The following COG7 variants were observed in gnomAD, a reference collection of about 807,000 sequenced individuals.
COG7 encodes the protein conserved oligomeric Golgi complex subunit 7.
A neutral mutation model predicts 91.5 loss-of-function variants in COG7; 49 were observed. The ratio of observed to expected loss-of-function variants is 0.54; its 90% CI spans 0.43 to 0.68. The LOEUF (loss-of-function observed/expected upper bound fraction) is 0.68. Among genes scored for constraint, COG7 ranks in the 30% least tolerant of loss-of-function variants. The pLI is 0.00. For synonymous variants in COG7, 365 were observed against 388.7 expected, an observed-to-expected ratio of 0.94 and a Z score of 0.72; for missense variants, 895 against 961.3, an observed-to-expected ratio of 0.93 and a Z score of 0.91.
At chr16:23,393,104 C>T (rs1239003046) in intron 15 of COG7, 129 bp downstream of exon 15, 1 of 721,036 alleles carries the variant, frequency 1.4e-6, no homozygotes. Context: ...ACAAAAAGTA[C>T]ATGTTAGAAG....
chr16:23,418,727 G>A lies in COG7; in HGVS notation c.1110C>T (p.Leu370=). 6.2e-7 allele frequency: 1 copy of A among 1,613,620 alleles called. No individual in the cohort carries two copies. Among genetic ancestry groups the A allele is most frequent in the Non-Finnish European group, 8.5e-7 (1 of 1,179,648 alleles). Residue 370 remains leucine (L), a synonymous_variant, in exon 8 of 17, where the codon CTC becomes CTT. Coordinates refer to ENST00000307149, the MANE Select transcript of COG7 (RefSeq NM_153603.4). Reference sequence around the variant, plus strand: ...GAGGCACAGCACTCATCTGGATGAGGAGGTTGCTCTCTTCCATGTCGCCAT... The same window carrying A: ...GAGGCACAGCACTCATCTGGATGAGAAGGTTGCTCTCTTCCATGTCGCCAT... The part of the protein sequence containing the change: ...LKYGDMEESN[L]LIQMSAVPLE...
In COG7 at chr16:23,413,483, G is replaced by C; in HGVS notation, c.1374C>G (p.Phe458Leu). 6.2e-7 allele frequency: 1 copy of C among 1,611,226 alleles called. No homozygotes were observed. Among genetic ancestry groups the C allele is most frequent in the South Asian group, 1.1e-5 (1 of 91,010 alleles). The change falls in exon 10 of 17, where the codon TTC (phenylalanine) becomes TTG (leucine). Residue 458 changes from phenylalanine (F) to leucine (L), a missense_variant. Phe to Leu is a conservative substitution (Grantham distance 22, BLOSUM62 0). Transcript: ENST00000307149. ...KLDHIPPNSLFQEDWTAFQNS... is the reference protein window; with the variant it reads ...KLDHIPPNSLLQEDWTAFQNS... ...TCTGAAAAGCCGTCCAATCTTCCTG[G>C]AAGAGGGAGTTGGGAGGAATGTGGT...
intron 10 of COG7, among the ~76,000 whole-genome samples, chr16:23,411,243 T>C (rs1019902053): frequency 2.0e-5 from 3 of 152,242 alleles, no homozygotes; most frequent in African/African-American, 7.2e-5. Context: ...TCCCAGCTGC[T>C]GGGTCCTTCA....
chr16:23,405,943 A>G (rs1351512599), intron 12 of COG7, 133 bp downstream of exon 12: 1 of 802,334 alleles, frequency 1.2e-6, no homozygotes, highest in Admixed American at 1.8e-5. Context: ...CATAAATGAG[A>G]CAGAGAGGTA....
At chr16:23,389,497 C>G (rs910982906) in intron 16 of COG7, among the ~76,000 whole-genome samples, 2 of 151,934 alleles carry the variant, frequency 1.3e-5, no homozygotes, top group African/African-American at 4.8e-5. Context: ...GCCTTCAGCA[C>G]CAGTCTGAAG....
chr16:23,448,064 T>C (rs1964210214), intron 1 of COG7, among the ~76,000 whole-genome samples: 1 of 152,130 alleles, frequency 6.6e-6, no homozygotes, highest in Non-Finnish European at 1.5e-5. Context: ...AATGGAGAAA[T>C]TGGTCCTCCA....
At chr16:23,396,319 G>T (rs1344598948) in intron 14 of COG7, among the ~76,000 whole-genome samples, 1 of 152,114 alleles carries the variant, frequency 6.6e-6, no homozygotes, top group East Asian at 1.9e-4. Context: ...TAGCCACTCA[G>T]GTCCCTTCCA....
intron 6 of COG7, among the ~76,000 whole-genome samples, chr16:23,426,098 C>G (rs907033993): frequency 6.6e-6 from 1 of 152,112 alleles, no homozygotes; most frequent in African/African-American, 2.4e-5. Context: ...CGACTGTAAT[C>G]CCAGCTACTT....
At chr16:23,448,842 C>T (rs538658767) in intron 1 of COG7, among the ~76,000 whole-genome samples, 1 of 152,324 alleles carries the variant, frequency 6.6e-6, no homozygotes, top group Admixed American at 6.5e-5. Context: ...TCAGTTTCTA[C>T]AAGTCTACAG....
intron 14 of COG7, 39 bp from the exon 15 acceptor site, chr16:23,393,386 C>T (rs1963232564): frequency 6.8e-7 from 1 of 1,475,608 alleles, no homozygotes; most frequent in Admixed American, 1.7e-5. Context: ...GACATTGACA[C>T]ATACGGGTTA....
At position 23,442,555 on chromosome 16, in the gene COG7, G is replaced by A. The variant is rs1472045958; in HGVS notation, c.526C>T (p.His176Tyr). 8 of 1,613,966 alleles carry A rather than the reference G, an allele frequency of 5.0e-6. No individual in the cohort carries two copies. In the Admixed American group the frequency reaches 1.2e-4, roughly 24 times the overall value. The stretch of plus-strand genomic sequence containing the variant: ...AGCCTGTTCTTCAGTGCCTCCAAGT[G>A]CACACACTTTTCTGAGTAGTCTGGT... ...DTPDYSEKCV[H>Y]LEALKNRLEA... The change falls in exon 4 of 17, where the codon CAC becomes TAC. Residue 176 changes from histidine (H) to tyrosine (Y), a missense_variant. Coordinates refer to ENST00000307149, the MANE Select transcript of COG7 (RefSeq NM_153603.4).
At chr16:23,423,841 C>T (rs1013712786) in intron 7 of COG7, among the ~76,000 whole-genome samples, 5 of 152,162 alleles carry the variant, frequency 3.3e-5, no homozygotes, top group South Asian at 2.1e-4. Context: ...TTAACATAGA[C>T]GGGAAAGAGC....
chr16:23,389,603 G>T (rs905828385), intron 16 of COG7, among the ~76,000 whole-genome samples: 1 of 152,120 alleles, frequency 6.6e-6, no homozygotes, highest in African/African-American at 2.4e-5. Flanking sequence ...AAACCCAGAG[G>T]GTCAGGAGAC....
At chr16:23,418,521 A>C (rs1218248728) in intron 8 of COG7, among the ~76,000 whole-genome samples, 179 bp downstream of exon 8, 1 of 152,136 alleles carries the variant, frequency 6.6e-6, no homozygotes, top group Non-Finnish European at 1.5e-5. Context: ...TCCATCAATC[A>C]ATAGAAAATT....
chr16:23,389,238 TA>T (rs1963148261), intron 16 of COG7, 152 bp from the exon 17 acceptor site: 1 of 836,226 alleles, frequency 1.2e-6, no homozygotes, highest in Non-Finnish European at 1.9e-6. Context: ...ATAGGCCCTT[TA>T]CTCACCAGGT....
chr16:23,445,456 C>T (rs1399493457), intron 2 of COG7, among the ~76,000 whole-genome samples: 3 of 152,116 alleles, frequency 2.0e-5, no homozygotes, highest in Non-Finnish European at 4.4e-5. Context: ...AGTTCCAGAC[C>T]AGCCTGGGCA....
chr16:23,449,689 C>T (rs1222893989), intron 1 of COG7, among the ~76,000 whole-genome samples: 1 of 149,616 alleles, frequency 6.7e-6, no homozygotes, highest in Non-Finnish European at 1.5e-5. Flanking sequence ...TGCAGTGAGC[C>T]GCGATCACGC....
At position 23,434,735 on chromosome 16, in the gene COG7, G is replaced by A. The variant is rs376920945; in HGVS notation, c.605-17C>T. On this transcript the variant is annotated splice_polypyrimidine_tract_variant and intron_variant, in intron 4 of 16. Transcript: ENST00000307149. Reference sequence around the variant, plus strand: ...TGGACTGATCTAAAGAACATACAATGTATATATACTGTTACCAGCCTTTCT... The same window carrying A: ...TGGACTGATCTAAAGAACATACAATATATATATACTGTTACCAGCCTTTCT... 49 of 1,561,584 alleles carry A rather than the reference G, an allele frequency of 3.1e-5. No individual in the cohort carries two copies. Among genetic ancestry groups the A allele is most frequent in the Non-Finnish European group, 4.2e-5 (47 of 1,132,428 alleles).
intron 4 of COG7, among the ~76,000 whole-genome samples, chr16:23,436,754 G>C (rs1216962144): frequency 6.6e-6 from 1 of 152,104 alleles, no homozygotes; most frequent in Non-Finnish European, 1.5e-5. Context: ...AAAACTGTTA[G>C]ATAAAGAACT....
Sources: allele counts gnomAD v4.1 joint callset (sites outside exome capture counted in the v4.1 genomes callset), GRCh38; gene constraint gnomAD v4.1.1; transcripts MANE v1.5; gene names NCBI Gene and HGNC (gene_info 2026-07-23, HGNC 2026-07-21).